The following CCSER1 variants were observed in gnomAD, a reference collection of about 807,000 sequenced individuals.
CCSER1 encodes coiled-coil serine rich protein 1.
CCSER1 carries 41 observed loss-of-function variants against 82.0 expected under a neutral mutation model. The observed-to-expected ratio is 0.50, with a 90% CI of 0.39 to 0.65. The LOEUF is 0.65. Among genes scored for constraint, CCSER1 ranks in the 30% least tolerant of loss-of-function variants. CCSER1 has a pLI of 0.00. For synonymous variants in CCSER1, 414 were observed against 383.9 expected, an observed-to-expected ratio of 1.08 and a Z score of -0.92; for missense variants, 1,119 against 1,064.2, an observed-to-expected ratio of 1.05 and a Z score of -0.72.
chr4:90,770,144 G>A (rs1751850774), intron 7 of CCSER1, among the ~76,000 whole-genome samples: 1 of 152,108 alleles, frequency 6.6e-6, no homozygotes, highest in Admixed American at 6.6e-5. Flanking sequence ...TTTAGAAAAT[G>A]ATCCATCAGT....
At chr4:90,814,903 A>G (rs1436683911) in intron 7 of CCSER1, among the ~76,000 whole-genome samples, 1 of 151,838 alleles carries the variant, frequency 6.6e-6, no homozygotes, top group African/African-American at 2.4e-5. Context: ...AGCCCTCCAA[A>G]CTGTTCCAAC....
rs976205731 is a variant in CCSER1 at position 90,585,383 on chromosome 4, G to T, written c.1725-42642G>T. Among the ~76,000 whole-genome samples, 10 of 152,194 alleles carry T rather than the reference G, an allele frequency of 6.6e-5. No homozygotes were observed. The South Asian group carries it at 2.1e-3, about 31-fold the overall frequency. On this transcript the variant is annotated intron_variant, in intron 5 of 10. Transcript: ENST00000509176. ...CTCCCATGATTCATTCCACATGATA[G>T]TTAAATCTTGATTAAACTATAACCT...
At chr4:90,336,101 A>G (rs1241750578) in intron 3 of CCSER1, among the ~76,000 whole-genome samples, 2 of 152,202 alleles carry the variant, frequency 1.3e-5, no homozygotes, top group Non-Finnish European at 2.9e-5. Flanking sequence ...GAAAGTGATA[A>G]TTAATCCTTT....
intron 10 of CCSER1, among the ~76,000 whole-genome samples, chr4:91,366,489 T>C (rs1749624549): frequency 6.6e-6 from 1 of 152,248 alleles, no homozygotes; most frequent in Admixed American, 6.5e-5. Context: ...TATCATCAAA[T>C]ATTCCATCAG....
At chr4:90,661,179 A>G (rs1296048919) in intron 6 of CCSER1, among the ~76,000 whole-genome samples, 1 of 152,094 alleles carries the variant, frequency 6.6e-6, no homozygotes, top group Non-Finnish European at 1.5e-5. Flanking sequence ...CCAAATTATA[A>G]CTTACCTACA....
intron 10 of CCSER1, among the ~76,000 whole-genome samples, chr4:91,315,473 G>A (rs1242654935): frequency 1.3e-5 from 2 of 151,936 alleles, no homozygotes; most frequent in Non-Finnish European, 2.9e-5. Context: ...GAATGAATAA[G>A]TTATAAAATG....
rs114182607 is a variant in CCSER1, at chr4:90,902,434, T to A, written c.2095-20936T>A. Among the ~76,000 whole-genome samples the A allele has an allele frequency of 6.3e-3, 963 of 152,196 alleles. 7 individuals are homozygous for A. The highest frequency in any genetic ancestry group is 0.01 in the Non-Finnish European group (682 of 67,986). ...GGGAGATGTACCTTTTTATTTTTGTTTTTGCTATCATTTGGATGGAAGATT... is the reference window on the plus strand; with the variant it reads ...GGGAGATGTACCTTTTTATTTTTGTATTTGCTATCATTTGGATGGAAGATT... On this transcript the variant is annotated intron_variant, in intron 8 of 10. Transcript: ENST00000509176.
chr4:91,471,366 G>T (rs552002846), intron 10 of CCSER1, among the ~76,000 whole-genome samples: 117 of 152,250 alleles, frequency 7.7e-4, no homozygotes, highest in Middle Eastern at 6.8e-3. Context: ...CAAATGAATT[G>T]CTGGACCCAG....
intron 10 of CCSER1, among the ~76,000 whole-genome samples, chr4:91,285,971 G>GTT (rs796293014): frequency 4.7e-4 from 66 of 141,096 alleles, no homozygotes; most frequent in South Asian, 4.2e-3. Flanking sequence ...TGTTTGTTTT[G>GTT]TTTTTTTTTT....
intron 9 of CCSER1, among the ~76,000 whole-genome samples, chr4:90,927,669 A>G (rs74447176): frequency 6.6e-6 from 1 of 151,984 alleles, no homozygotes; most frequent in Non-Finnish European, 1.5e-5. Context: ...TGCATTATGG[A>G]TGTACACTTT....
chr4:90,404,304 C>G (rs540924510), intron 4 of CCSER1, among the ~76,000 whole-genome samples: 12 of 152,240 alleles, frequency 7.9e-5, no homozygotes, highest in Admixed American at 2.0e-4. Context: ...ACAAAAGTCA[C>G]AGCAAGACCC....
chr4:90,782,974 C>T (rs550606680), intron 7 of CCSER1, among the ~76,000 whole-genome samples: 7 of 152,192 alleles, frequency 4.6e-5, no homozygotes, highest in Admixed American at 4.6e-4. Context: ...CGCTCTGCCG[C>T]GCAGGCTGGA....
chr4:91,061,134 G>T, intron 9 of CCSER1, among the ~76,000 whole-genome samples: 1 of 151,742 alleles, frequency 6.6e-6, no homozygotes. Flanking sequence ...GCACTTTATA[G>T]GTTGCTATAC....
chr4:90,320,362 T>C (rs1736913783), intron 3 of CCSER1, among the ~76,000 whole-genome samples: 2 of 152,228 alleles, frequency 1.3e-5, no homozygotes, highest in South Asian at 4.1e-4. Context: ...AATATACAGG[T>C]ATTTCTTATG....
At chr4:91,008,451 A>C (rs2150495442) in intron 9 of CCSER1, among the ~76,000 whole-genome samples, 1 of 152,268 alleles carries the variant, frequency 6.6e-6, no homozygotes, top group East Asian at 1.9e-4. Flanking sequence ...ATCATTAAGT[A>C]ATATTCTTTC....
chr4:90,827,527 C>T (rs1411456349), intron 8 of CCSER1, among the ~76,000 whole-genome samples: 3 of 152,116 alleles, frequency 2.0e-5, no homozygotes, highest in African/African-American at 7.2e-5. Context: ...TTCTTCCAGC[C>T]TTGGAAGTGA....
intron 1 of CCSER1, among the ~76,000 whole-genome samples, chr4:90,209,387 A>G (rs1709146460): frequency 1.3e-5 from 2 of 152,178 alleles, no homozygotes; most frequent in South Asian, 4.1e-4. Flanking sequence ...GTGGAGGGGC[A>G]GAATCTGAGG....
At chr4:91,208,710 T>A (rs1275278516) in intron 10 of CCSER1, among the ~76,000 whole-genome samples, 1 of 152,016 alleles carries the variant, frequency 6.6e-6, no homozygotes, top group African/African-American at 2.4e-5. Flanking sequence ...AGGCTCTTTT[T>A]TGTTCTGTAT....
intron 8 of CCSER1, among the ~76,000 whole-genome samples, chr4:90,901,950 A>G (rs1724720461): frequency 6.6e-6 from 1 of 151,988 alleles, no homozygotes; most frequent in Non-Finnish European, 1.5e-5. Context: ...TGTTTTTCAT[A>G]ATCCGATATT....
Sources: allele counts gnomAD v4.1 joint callset (sites outside exome capture counted in the v4.1 genomes callset), GRCh38; gene constraint gnomAD v4.1.1; transcripts MANE v1.5; gene names NCBI Gene and HGNC (gene_info 2026-07-23, HGNC 2026-07-21).